SYT14: variants seen among roughly 807,000 people sequenced by gnomAD.
SYT14 encodes the protein synaptotagmin-14.
SYT14 carries 32 observed loss-of-function variants against 74.2 expected under a neutral mutation model. The observed-to-expected ratio is 0.43, with a 90% CI of 0.33 to 0.58. The LOEUF (loss-of-function observed/expected upper bound fraction) is 0.58, where lower values mean the gene tolerates loss of function less well. Ranked by LOEUF, SYT14 falls within the 20% of genes least tolerant of loss-of-function variation. The pLI is 0.05. For missense variants in SYT14, 791 were observed against 981.8 expected (o/e 0.81, Z 2.60); for synonymous variants, 298 against 337.7 (o/e 0.88, Z 1.29).
chr1:210,133,159 T>C (rs2082712160), intron 7 of SYT14, among the ~76,000 whole-genome samples: 1 of 152,188 alleles, frequency 6.6e-6, no homozygotes, highest in Non-Finnish European at 1.5e-5. Flanking sequence ...TACCCCTTTC[T>C]AGGAGGAGAA....
chr1:210,014,420 T>C (rs1218784259), intron 3 of SYT14, among the ~76,000 whole-genome samples: 1 of 151,394 alleles, frequency 6.6e-6, no homozygotes, highest in African/African-American at 2.4e-5. Context: ...TGGAGTGTTT[T>C]TTTTTTTTTT....
At chr1:210,086,489 T>C (rs1195325874) in intron 5 of SYT14, among the ~76,000 whole-genome samples, 1 of 152,220 alleles carries the variant, frequency 6.6e-6, no homozygotes, top group Non-Finnish European at 1.5e-5. Flanking sequence ...GATTTATTTG[T>C]CCTTTTGACA....
intron 7 of SYT14, among the ~76,000 whole-genome samples, chr1:210,140,123 T>C (rs956524860): frequency 2.0e-5 from 3 of 152,162 alleles, no homozygotes; most frequent in Non-Finnish European, 4.4e-5. Flanking sequence ...TCAACACTTG[T>C]TATTATCTGT....
At chr1:210,014,121 C>T (rs892497288) in intron 3 of SYT14, among the ~76,000 whole-genome samples, 9 of 152,218 alleles carry the variant, frequency 5.9e-5, no homozygotes, top group African/African-American at 2.2e-4. Context: ...AGTGTACTTC[C>T]ATTGTCCAAG....
intron 5 of SYT14, among the ~76,000 whole-genome samples, chr1:210,059,832 A>G (rs2081175493): frequency 1.3e-5 from 2 of 152,118 alleles, no homozygotes; most frequent in African/African-American, 2.4e-5. Context: ...TTTGCAAGAC[A>G]TGTTTATATA....
At chr1:210,069,027 T>G (rs1246540187) in intron 5 of SYT14, among the ~76,000 whole-genome samples, 2 of 151,906 alleles carry the variant, frequency 1.3e-5, no homozygotes, top group Non-Finnish European at 2.9e-5. Flanking sequence ...GTTATGATTT[T>G]TTTCAGTTGC....
intron 1 of SYT14, among the ~76,000 whole-genome samples, chr1:209,942,507 A>G (rs1378751870): frequency 6.6e-6 from 1 of 152,084 alleles, no homozygotes; most frequent in East Asian, 1.9e-4. Context: ...CCAAGTCTAC[A>G]ATTCAAATCA....
chr1:210,134,656 CT>C (rs1333330590), intron 7 of SYT14, among the ~76,000 whole-genome samples: 1 of 152,076 alleles, frequency 6.6e-6, no homozygotes, highest in Non-Finnish European at 1.5e-5. Flanking sequence ...TAATGAACTC[CT>C]TTCTGCCCCT....
intron 1 of SYT14, among the ~76,000 whole-genome samples, chr1:209,950,061 G>A (rs941952615): frequency 6.0e-5 from 9 of 150,296 alleles, no homozygotes; most frequent in African/African-American, 2.2e-4. Context: ...ACTAAGCCTT[G>A]TAAAAATAAT....
intron 7 of SYT14, among the ~76,000 whole-genome samples, chr1:210,142,911 A>G (rs2082947555): frequency 6.6e-6 from 1 of 152,202 alleles, no homozygotes. Context: ...AGCTCACGTA[A>G]TCTTATCACT....
chr1:210,015,709 T>G, exon 4 of SYT14: 1 of 244,852 alleles, frequency 4.1e-6, no homozygotes, highest in Non-Finnish European at 7.3e-6. Flanking sequence ...CCAATAGTAT[T>G]TGAGGGAAAA....
intron 7 of SYT14, among the ~76,000 whole-genome samples, chr1:210,111,700 C>T (rs902551743): frequency 2.0e-5 from 3 of 150,980 alleles, no homozygotes; most frequent in Non-Finnish European, 2.9e-5. Flanking sequence ...GGCCTGGATG[C>T]GGTTTTGTAT....
Position 210,150,574 on chromosome 1 carries a change from C to CT in SYT14, c.2035-5146dup, listed in dbSNP as rs201882473. Among the ~76,000 whole-genome samples, 630 of 152,288 alleles carry CT rather than the reference C, an allele frequency of 4.1e-3. 3 individuals are homozygous for CT. Among genetic ancestry groups the CT allele is most frequent in the Middle Eastern group, 0.017 (5 of 294 alleles). On this transcript the variant is annotated intron_variant, in intron 7 of 9. Coordinates refer to ENST00000637265, the Ensembl canonical transcript of SYT14. The stretch of plus-strand genomic sequence containing the variant: ...ATGAAGCTCATCATTAGCGGCAGCT[C>CT]TAACTTTGCAGCAGGTGACTTCCCT...
At chr1:210,008,130 T>C (rs1241838792) in intron 2 of SYT14, among the ~76,000 whole-genome samples, 1 of 152,196 alleles carries the variant, frequency 6.6e-6, no homozygotes, top group Non-Finnish European at 1.5e-5. Context: ...AAGATAATGC[T>C]TGTAAAGGAC....
intron 3 of SYT14, among the ~76,000 whole-genome samples, chr1:210,015,029 AT>A (rs1023970822): frequency 5.9e-5 from 9 of 151,364 alleles, no homozygotes; most frequent in African/African-American, 1.9e-4. Context: ...TTATTAATTT[AT>A]TTTTTTAAAA....
At position 210,139,070 on chromosome 1, in the gene SYT14, T is replaced by C. The variant is rs984196195; in HGVS notation, c.2035-16651T>C. Among the ~76,000 whole-genome samples the C allele has an allele frequency of 1.7e-4, 25 of 144,068 alleles. No homozygotes were observed. The Admixed American group carries it at 1.8e-3, about 11-fold the overall frequency. 94.5% of individuals were successfully genotyped at this position (144,068 alleles called of 152,430 possible). A position where few individuals can be genotyped will look rare whatever the true frequency, so the allele number is the denominator to read the frequency against. ...TATTTGAACGTGGAATAAGATTTTA[T>C]TTTTTTAAAGAGTACTTTTATTTTT... On this transcript the variant is annotated intron_variant, in intron 7 of 9. Transcript: ENST00000637265.
intron 2 of SYT14, among the ~76,000 whole-genome samples, chr1:209,994,594 C>T (rs2079753894): frequency 6.6e-6 from 1 of 152,062 alleles, no homozygotes; most frequent in Non-Finnish European, 1.5e-5. Flanking sequence ...GAAAATTTCC[C>T]TAATCTTGCT....
At chr1:210,093,485 A>C (rs1478850109) in intron 5 of SYT14, among the ~76,000 whole-genome samples, 1 of 152,094 alleles carries the variant, frequency 6.6e-6, no homozygotes, top group Non-Finnish European at 1.5e-5. Flanking sequence ...CCTGCCCCCA[A>C]CTCTGTCCTT....
At chr1:210,164,638 C>A in exon 10 of SYT14, 1 of 152,144 alleles carries the variant, frequency 6.6e-6, no homozygotes, top group Non-Finnish European at 1.5e-5. Flanking sequence ...ACAGTGGTCA[C>A]CACCAAGTAT....
Sources: allele counts gnomAD v4.1 joint callset (sites outside exome capture counted in the v4.1 genomes callset), GRCh38; gene constraint gnomAD v4.1.1; transcripts MANE v1.5; gene names NCBI Gene and HGNC (gene_info 2026-07-23, HGNC 2026-07-21).